The following NBAS variants were observed in gnomAD, a reference collection of about 807,000 sequenced individuals.
NBAS encodes NBAS subunit of NRZ tethering complex.
A neutral mutation model predicts 302.5 loss-of-function variants in NBAS; 219 were observed. That is an observed-to-expected ratio of 0.72 (90% CI 0.65 to 0.81). NBAS has a LOEUF of 0.81. Among genes scored for constraint, NBAS ranks in the 30% least tolerant of loss-of-function variants. The pLI, the probability that NBAS is intolerant of heterozygous loss-of-function variation, is 0.00. For missense variants in NBAS, 2,932 were observed against 2,841.6 expected, an observed-to-expected ratio of 1.03 and a Z score of -0.72; for synonymous variants, 1,118 against 1,021.6, an observed-to-expected ratio of 1.09 and a Z score of -1.80.
At chr2:14,789,228 C>T in the NBAS span, among the ~76,000 whole-genome samples, 4 of 152,164 alleles carry the variant, frequency 2.6e-5, no homozygotes, top group African/African-American at 7.2e-5. Context: ...TTCCAGGTGC[C>T]GTCTGTCACC....
chr2:15,373,979 T>C (rs780120815), intron 31 of NBAS, among the ~76,000 whole-genome samples: 11 of 152,294 alleles, frequency 7.2e-5, no homozygotes, highest in Non-Finnish European at 1.3e-4. Flanking sequence ...TAAGGTCCAG[T>C]ACACCATGAG....
chr2:14,849,598 C>T, the NBAS span, among the ~76,000 whole-genome samples: 308 of 146,864 alleles, frequency 2.1e-3, 1 homozygote, highest in African/African-American at 5.0e-3. Flanking sequence ...AGATACTCCT[C>T]GAGAAGAGCA....
At chr2:15,092,715 G>C in the NBAS span, among the ~76,000 whole-genome samples, 1 of 152,132 alleles carries the variant, frequency 6.6e-6, no homozygotes, top group African/African-American at 2.4e-5. Flanking sequence ...TAATTAGTCC[G>C]AACTAAAAAC....
intron 19 of NBAS, among the ~76,000 whole-genome samples, chr2:15,466,287 A>T (rs925012439): frequency 6.6e-6 from 1 of 152,172 alleles, no homozygotes; most frequent in Non-Finnish European, 1.5e-5. Flanking sequence ...AAGAGCTGCG[A>T]GGCACACACA....
chr2:14,799,410 G>A, the NBAS span, among the ~76,000 whole-genome samples: 8 of 151,994 alleles, frequency 5.3e-5, no homozygotes, highest in African/African-American at 1.7e-4. Flanking sequence ...ATATTTAATA[G>A]CCAGAGGACA....
chr2:14,995,632 C>G, the NBAS span, among the ~76,000 whole-genome samples: 1 of 152,224 alleles, frequency 6.6e-6, no homozygotes, highest in Non-Finnish European at 1.5e-5. Context: ...ATGCAGACCA[C>G]ATGCCTCAGG....
chr2:14,786,171 C>T, the NBAS span, among the ~76,000 whole-genome samples: 8 of 151,944 alleles, frequency 5.3e-5, no homozygotes, highest in African/African-American at 1.7e-4. Context: ...GGTGATATCC[C>T]CTTTATCATT....
At chr2:14,940,485 T>C in the NBAS span, among the ~76,000 whole-genome samples, 1 of 152,186 alleles carries the variant, frequency 6.6e-6, no homozygotes, top group African/African-American at 2.4e-5. Context: ...TCAACTTCTT[T>C]TCATTATATA....
At chr2:15,541,436 T>C (rs1486045281) in intron 6 of NBAS, among the ~76,000 whole-genome samples, 1 of 152,174 alleles carries the variant, frequency 6.6e-6, no homozygotes, top group Non-Finnish European at 1.5e-5. Flanking sequence ...GTCATCTATC[T>C]ACCTAAAAGA....
At chr2:14,918,460 A>T in the NBAS span, among the ~76,000 whole-genome samples, 9,078 of 152,322 alleles carry the variant, frequency 0.06, 392 homozygotes, top group Non-Finnish European at 0.095. Context: ...TAAGCCTTTC[A>T]AGGATAAAAA....
chr2:15,438,295 T>C (rs1297899063), intron 21 of NBAS, among the ~76,000 whole-genome samples: 3 of 152,140 alleles, frequency 2.0e-5, no homozygotes, highest in East Asian at 3.8e-4. Flanking sequence ...ATTAAATAAA[T>C]CATATGTTAT....
At chr2:14,956,849 C>G in the NBAS span, among the ~76,000 whole-genome samples, 1 of 152,084 alleles carries the variant, frequency 6.6e-6, no homozygotes, top group African/African-American at 2.4e-5. Flanking sequence ...GGGGACACAG[C>G]CAAACCATAT....
At chr2:15,229,176 T>C (rs1450368811) in intron 47 of NBAS, among the ~76,000 whole-genome samples, 1 of 151,088 alleles carries the variant, frequency 6.6e-6, no homozygotes, top group Non-Finnish European at 1.5e-5. Context: ...ACCCCATCTC[T>C]ACTAAAAATA....
chr2:14,968,876 G>A, the NBAS span, among the ~76,000 whole-genome samples: 1,064 of 152,150 alleles, frequency 7.0e-3, 14 homozygotes, highest in African/African-American at 0.023. Context: ...ATGGACACCC[G>A]CATAAAAATT....
chr2:15,370,670 A>G (rs1257937101), intron 31 of NBAS, among the ~76,000 whole-genome samples: 1 of 152,068 alleles, frequency 6.6e-6, no homozygotes, highest in African/African-American at 2.4e-5. Context: ...ATTATTTTGG[A>G]GCTTTAAGAT....
chr2:15,473,579 G>C (rs775407777), intron 15 of NBAS, among the ~76,000 whole-genome samples: 1 of 152,188 alleles, frequency 6.6e-6, no homozygotes, highest in Non-Finnish European at 1.5e-5. Context: ...TCTCGTTTTA[G>C]AGTAAAACAG....
At chr2:15,291,933 A>C (rs1025726756) in intron 41 of NBAS, among the ~76,000 whole-genome samples, 9 of 152,026 alleles carry the variant, frequency 5.9e-5, no homozygotes, top group Non-Finnish European at 1.2e-4. Flanking sequence ...GGAAACTTTA[A>C]AAAAAAATAG....
chr2:15,078,675 C>T, the NBAS span, among the ~76,000 whole-genome samples: 1 of 152,210 alleles, frequency 6.6e-6, no homozygotes, highest in African/African-American at 2.4e-5. Context: ...GAGATGCAGA[C>T]TGCCAGTCTG....
At chr2:14,915,803 G>T in the NBAS span, among the ~76,000 whole-genome samples, 1 of 152,052 alleles carries the variant, frequency 6.6e-6, no homozygotes, top group Non-Finnish European at 1.5e-5. Flanking sequence ...CTCATGATCT[G>T]CCCATCTCAG....
Sources: gnomAD v4.1 joint callset for allele counts (sites outside exome capture counted in the v4.1 genomes callset) on GRCh38, gnomAD v4.1.1 for gene constraint, MANE v1.5 for transcripts, NCBI Gene and HGNC (gene_info 2026-07-23, HGNC 2026-07-21) for gene names.